Variants in MVB12B observed in about 807,000 individuals in gnomAD.
The protein encoded by MVB12B is multivesicular body subunit 12B.
A neutral mutation model predicts 41.6 loss-of-function variants in MVB12B; 16 were observed. The ratio of observed to expected loss-of-function variants is 0.38; its 90% CI spans 0.26 to 0.58. MVB12B has a LOEUF of 0.58. Among genes scored for constraint, MVB12B ranks in the 20% least tolerant of loss-of-function variants. The probability of loss-of-function intolerance (pLI) is 0.62; values close to 1 mark genes in which losing one functional copy is unlikely to be tolerated. For synonymous variants in MVB12B, 133 were observed against 139.7 expected, an observed-to-expected ratio of 0.95 and a Z score of 0.34; for missense variants, 274 against 380.2, an observed-to-expected ratio of 0.72 and a Z score of 2.32.
intron 1 of MVB12B, among the ~76,000 whole-genome samples, chr9:126,327,643 G>C (rs551926659): frequency 7.2e-5 from 11 of 152,154 alleles, no homozygotes; most frequent in South Asian, 2.1e-4. Flanking sequence ...GACAAGAGCT[G>C]AGGCATGGCA....
At chr9:126,433,986 C>T (rs1253990806) in intron 7 of MVB12B, among the ~76,000 whole-genome samples, 3 of 152,176 alleles carry the variant, frequency 2.0e-5, no homozygotes, top group African/African-American at 4.8e-5. Flanking sequence ...GTCGCACAAG[C>T]TTTGGTGATG....
chr9:126,501,413 TG>T (rs1298408659), intron 9 of MVB12B, among the ~76,000 whole-genome samples: 5 of 152,204 alleles, frequency 3.3e-5, no homozygotes, highest in Non-Finnish European at 4.4e-5. Context: ...CTCTGCACCC[TG>T]CCAGGCAGCA....
chr9:126,341,130 A>T (rs1312250552), intron 2 of MVB12B, among the ~76,000 whole-genome samples: 3 of 152,200 alleles, frequency 2.0e-5, no homozygotes, highest in Non-Finnish European at 4.4e-5. Flanking sequence ...CGCTCTGAGA[A>T]GTCAAGTAAC....
chr9:126,329,211 A>G (rs1028143815), intron 1 of MVB12B, among the ~76,000 whole-genome samples: 40 of 152,208 alleles, frequency 2.6e-4, no homozygotes, highest in African/African-American at 9.7e-4. Context: ...TAGGGGAGTC[A>G]CAGAACCTTT....
In MVB12B at chr9:126,486,398, G is replaced by T. The variant is rs563999304; in HGVS notation, c.873+2366G>T. ...CTCAGAGGAGCTGCTGCTGCCACAG[G>T]TGGTCACCAGGGCAGAGGTTACACT... On this transcript the variant is annotated intron_variant, in intron 9 of 9. Coordinates refer to ENST00000361171, the MANE Select transcript of MVB12B (RefSeq NM_033446.3). This position sits in a 1 kb window ranked among gnomAD's most constrained non-coding sequence, Gnocchi z 4.7. Among the ~76,000 whole-genome samples the T allele has an allele frequency of 1.3e-5, 2 of 152,190 alleles. No individual in the cohort carries two copies. The highest frequency in any genetic ancestry group is 2.9e-5 in the Non-Finnish European group (2 of 68,020).
At chr9:126,460,717 A>AG (rs1378846097) in intron 7 of MVB12B, among the ~76,000 whole-genome samples, 2 of 152,028 alleles carry the variant, frequency 1.3e-5, no homozygotes, top group East Asian at 3.9e-4. Context: ...GGTGGGGAGG[A>AG]GGGCAAGTTC....
Position 126,391,887 on chromosome 9 carries a change from G to C in MVB12B, c.410-179G>C, listed in dbSNP as rs977038437. 6.6e-6 allele frequency among the ~76,000 whole-genome samples: 1 copy of C among 152,190 alleles called. No individual in the cohort carries two copies. Among genetic ancestry groups the C allele is most frequent in the Non-Finnish European group, 1.5e-5 (1 of 68,036 alleles). On this transcript the variant is annotated intron_variant, in intron 4 of 9. Transcript: ENST00000361171. The surrounding 1 kb of genome is among the most constrained non-coding windows in gnomAD (Gnocchi z 4.4). The stretch of plus-strand genomic sequence containing the variant: ...GTCTGGGTTGGGTCCCACATGCAGA[G>C]CAGGGTGACTGCAGCCCCGGGGAAG...
At chr9:126,398,570 C>G (rs1405708291) in intron 6 of MVB12B, among the ~76,000 whole-genome samples, 2 of 152,228 alleles carry the variant, frequency 1.3e-5, no homozygotes, top group African/African-American at 4.8e-5. Context: ...CTACTCTTTT[C>G]TCAGGTAGCC....
intron 7 of MVB12B, among the ~76,000 whole-genome samples, chr9:126,449,991 C>T (rs145047071): frequency 0.03 from 4,595 of 152,346 alleles, 105 homozygotes; most frequent in Non-Finnish European, 0.045. Flanking sequence ...GGCTTTCTCA[C>T]TCCTCCACTC....
chr9:126,361,224 T>TTTG, intron 2 of MVB12B, among the ~76,000 whole-genome samples: 1 of 152,338 alleles, frequency 6.6e-6, no homozygotes, highest in East Asian at 1.9e-4. Context: ...TCTATTTCTT[T>TTTG]TTGTTGTTGT....
intron 2 of MVB12B, among the ~76,000 whole-genome samples, chr9:126,353,121 C>A (rs1829797166): frequency 1.3e-5 from 2 of 152,080 alleles, no homozygotes; most frequent in Non-Finnish European, 2.9e-5. Flanking sequence ...AGAGAAGAGT[C>A]CATGAGATGT....
chr9:126,404,239 G>A (rs1039154983), intron 6 of MVB12B, among the ~76,000 whole-genome samples: 2 of 152,172 alleles, frequency 1.3e-5, no homozygotes, highest in Non-Finnish European at 2.9e-5. Flanking sequence ...ACAGGCGTGA[G>A]CCACCACACC....
At chr9:126,416,381 C>T (rs947493916) in intron 6 of MVB12B, among the ~76,000 whole-genome samples, 3 of 152,190 alleles carry the variant, frequency 2.0e-5, no homozygotes, top group South Asian at 2.1e-4. Flanking sequence ...CCACATCCAG[C>T]GGACTCGGGG....
At chr9:126,406,329 T>C (rs975637045) in intron 6 of MVB12B, among the ~76,000 whole-genome samples, 1 of 152,240 alleles carries the variant, frequency 6.6e-6, no homozygotes, top group Non-Finnish European at 1.5e-5. Flanking sequence ...CAGTCATGGC[T>C]GTATTTTGTT....
At chr9:126,485,478 G>A (rs1418936851) in intron 9 of MVB12B, among the ~76,000 whole-genome samples, 2 of 99,934 alleles carry the variant, frequency 2.0e-5, no homozygotes, top group African/African-American at 4.2e-5. Flanking sequence ...TGAGGTCAGG[G>A]TACCTTCCAC....
intron 8 of MVB12B, among the ~76,000 whole-genome samples, chr9:126,482,379 C>G (rs931413741): frequency 2.2e-4 from 34 of 152,260 alleles, no homozygotes; most frequent in African/African-American, 7.7e-4. Context: ...ATTTGACCTG[C>G]TCTGTAGTTT....
intron 1 of MVB12B, chr9:126,335,330 C>T (rs1287079423): frequency 1.2e-5 from 16 of 1,304,078 alleles, no homozygotes; most frequent in East Asian, 1.1e-4. Flanking sequence ...CTGTCCCCCA[C>T]GGGTGGCCCC....
chr9:126,335,661 T>G (rs1351496660), intron 1 of MVB12B, among the ~76,000 whole-genome samples: 2 of 152,150 alleles, frequency 1.3e-5, no homozygotes, highest in Non-Finnish European at 2.9e-5. Flanking sequence ...AGCAGCAGCT[T>G]TTACTGGGGG....
Position 126,376,374 on chromosome 9 carries a change from T to G in MVB12B, c.205-4690T>G. Reference sequence around the variant, plus strand: ...TACCTTCAAGCTCCCTTTTTTCTATTTTGGGCCCTTCTGTCATGTCTGAGC... The same window carrying G: ...TACCTTCAAGCTCCCTTTTTTCTATGTTGGGCCCTTCTGTCATGTCTGAGC... On this transcript the variant is annotated intron_variant, in intron 2 of 9. Coordinates refer to ENST00000361171, the MANE Select transcript of MVB12B (RefSeq NM_033446.3). This position sits in a 1 kb window ranked among gnomAD's most constrained non-coding sequence, Gnocchi z 4.1. 1 of 545,120 alleles carries G rather than the reference T, an allele frequency of 1.8e-6. No individual in the cohort carries two copies. Among genetic ancestry groups the G allele is most frequent in the Non-Finnish European group, 3.1e-6 (1 of 317,870 alleles). 33.8% of individuals were successfully genotyped at this position (545,120 alleles called of 1,614,324 possible). A position where few individuals can be genotyped will look rare whatever the true frequency, so the allele number is the denominator to read the frequency against.
Sources: gnomAD v4.1 joint callset for allele counts (sites outside exome capture counted in the v4.1 genomes callset) on GRCh38, gnomAD v4.1.1 for gene constraint, Gnocchi (gnomAD v3.1) non-coding constraint, MANE v1.5 for transcripts, NCBI Gene and HGNC (gene_info 2026-07-23, HGNC 2026-07-21) for gene names.